Variants in SLC24A3 observed in about 807,000 individuals in gnomAD.
The protein encoded by SLC24A3 is solute carrier family 24 member 3.
In SLC24A3, 28 loss-of-function variants were observed where a neutral mutation model predicts 75.8. The ratio of observed to expected loss-of-function variants is 0.37; its 90% CI spans 0.27 to 0.51. The LOEUF (loss-of-function observed/expected upper bound fraction) is 0.51, where lower values mean the gene tolerates loss of function less well. Ranked by LOEUF, SLC24A3 falls within the 20% of genes least tolerant of loss-of-function variation. The pLI is 0.94. For synonymous variants in SLC24A3, 372 were observed against 334.1 expected, an observed-to-expected ratio of 1.11 and a Z score of -1.24; for missense variants, 663 against 847.8, an observed-to-expected ratio of 0.78 and a Z score of 2.71.
At chr20:19,337,785 C>T (rs1486836472) in intron 2 of SLC24A3, among the ~76,000 whole-genome samples, 3 of 152,136 alleles carry the variant, frequency 2.0e-5, no homozygotes, top group Non-Finnish European at 4.4e-5. Context: ...CTTGTTCATG[C>T]CTCTGTGATC....
chr20:19,362,876 A>G (rs892310504), intron 2 of SLC24A3, among the ~76,000 whole-genome samples: 3 of 152,228 alleles, frequency 2.0e-5, no homozygotes, highest in African/African-American at 4.8e-5. Context: ...TGTCACAGAA[A>G]GTTTTGTTGA....
At chr20:19,374,915 G>A (rs1284279160) in intron 2 of SLC24A3, among the ~76,000 whole-genome samples, 5 of 152,154 alleles carry the variant, frequency 3.3e-5, no homozygotes, top group African/African-American at 1.2e-4. Context: ...CCGATGATGG[G>A]AGTTGGTGTA....
chr20:19,584,902 GTGTCA>G, intron 4 of SLC24A3, 64 bp from the exon 5 acceptor site: 1 of 1,432,606 alleles, frequency 7.0e-7, no homozygotes. Context: ...GGACTCTCGG[GTGTCA>G]CAGTCACCTC....
intron 3 of SLC24A3, among the ~76,000 whole-genome samples, chr20:19,578,991 C>A (rs1297750929): frequency 6.6e-6 from 1 of 152,104 alleles, no homozygotes; most frequent in Admixed American, 6.5e-5. Context: ...AGAAATGGCT[C>A]CCTTTGGCAA....
chr20:19,545,945 G>T (rs1690334443), intron 3 of SLC24A3, among the ~76,000 whole-genome samples: 1 of 151,822 alleles, frequency 6.6e-6, no homozygotes, highest in African/African-American at 2.4e-5. Flanking sequence ...GGATCACGAG[G>T]TCAGGAGATC....
chr20:19,531,878 G>A (rs1256679478), intron 3 of SLC24A3, among the ~76,000 whole-genome samples: 1 of 152,204 alleles, frequency 6.6e-6, no homozygotes, highest in Admixed American at 6.5e-5. Flanking sequence ...TTTGCAGATG[G>A]ATAATTAAGG....
chr20:19,497,709 A>G (rs6046146), intron 2 of SLC24A3, among the ~76,000 whole-genome samples: 67,614 of 151,926 alleles, frequency 0.45, 15,511 homozygotes, highest in African/African-American at 0.55. Context: ...TTGTGAACTG[A>G]GCCTCAGTTT....
chr20:19,424,299 T>G (rs1986963182), intron 2 of SLC24A3, among the ~76,000 whole-genome samples: 2 of 152,226 alleles, frequency 1.3e-5, no homozygotes, highest in African/African-American at 4.8e-5. Context: ...TACACATGGA[T>G]TCCCAACTTG....
chr20:19,294,390 A>C (rs892582713), intron 2 of SLC24A3, among the ~76,000 whole-genome samples: 1 of 152,158 alleles, frequency 6.6e-6, no homozygotes, highest in African/African-American at 2.4e-5. Flanking sequence ...TCACCTAGGT[A>C]TTAAGCCCCA....
At chr20:19,613,376 C>A (rs1218039072) in intron 6 of SLC24A3, among the ~76,000 whole-genome samples, 1 of 152,150 alleles carries the variant, frequency 6.6e-6, no homozygotes. Flanking sequence ...AAGTGCCTAT[C>A]CCCAATGGCT....
At chr20:19,607,462 C>T (rs760415808) in intron 6 of SLC24A3, among the ~76,000 whole-genome samples, 4 of 152,192 alleles carry the variant, frequency 2.6e-5, no homozygotes, top group African/African-American at 4.8e-5. Context: ...CTTTCCAGCC[C>T]GGGCCTTCTG....
intron 3 of SLC24A3, among the ~76,000 whole-genome samples, chr20:19,579,766 A>C (rs1043787245): frequency 6.6e-6 from 1 of 152,224 alleles, no homozygotes; most frequent in Non-Finnish European, 1.5e-5. Flanking sequence ...ACAGGAATCC[A>C]TGACATGTTT....
At chr20:19,438,706 T>G (rs1987249270) in intron 2 of SLC24A3, among the ~76,000 whole-genome samples, 1 of 152,186 alleles carries the variant, frequency 6.6e-6, no homozygotes, top group African/African-American at 2.4e-5. Context: ...GTAGGTAGTG[T>G]GGACAGCAAT....
At chr20:19,355,474 T>C (rs1985662557) in intron 2 of SLC24A3, among the ~76,000 whole-genome samples, 1 of 152,186 alleles carries the variant, frequency 6.6e-6, no homozygotes, top group African/African-American at 2.4e-5. Flanking sequence ...CCTCCTTACA[T>C]TGTGATTTGA....
chr20:19,699,728 C>CT (rs2032850122), intron 15 of SLC24A3, among the ~76,000 whole-genome samples: 1 of 152,204 alleles, frequency 6.6e-6, no homozygotes, highest in South Asian at 2.1e-4. Flanking sequence ...CTGCAGGCCT[C>CT]TAATTCCTTC....
At chr20:19,551,874 C>T (rs6046176) in intron 3 of SLC24A3, among the ~76,000 whole-genome samples, 133,801 of 152,160 alleles carry the variant, frequency 0.88, 59,013 homozygotes, top group Middle Eastern at 0.95. Context: ...CCTGATCTAT[C>T]ATTGGGGCTC....
intron 12 of SLC24A3, among the ~76,000 whole-genome samples, chr20:19,686,565 C>G (rs2032678336): frequency 6.6e-6 from 1 of 152,190 alleles, no homozygotes; most frequent in South Asian, 2.1e-4. Flanking sequence ...TTTGAATGTG[C>G]AGGATTATCT....
chr20:19,597,186 CG>C (rs1555801997), intron 6 of SLC24A3, among the ~76,000 whole-genome samples: 3 of 47,996 alleles, frequency 6.3e-5, no homozygotes, highest in African/African-American at 1.5e-4. Flanking sequence ...AGTTCCACAA[CG>C]AACGGCCTGG....
At chr20:19,362,301 C>T (rs964736151) in intron 2 of SLC24A3, among the ~76,000 whole-genome samples, 23 of 152,154 alleles carry the variant, frequency 1.5e-4, no homozygotes, top group Admixed American at 1.3e-3. Context: ...ACATGTATCA[C>T]CTCAGAGTTT....
Sources: allele counts gnomAD v4.1 joint callset (sites outside exome capture counted in the v4.1 genomes callset), GRCh38; gene constraint gnomAD v4.1.1; transcripts MANE v1.5; gene names NCBI Gene and HGNC (gene_info 2026-07-23, HGNC 2026-07-21).